The following UNC13A variants were observed in gnomAD, a reference collection of about 807,000 sequenced individuals.
UNC13A encodes protein unc-13 homolog A.
UNC13A carries 61 observed loss-of-function variants against 219.7 expected under a neutral mutation model. The ratio of observed to expected loss-of-function variants is 0.28; its 90% CI spans 0.23 to 0.34. The LOEUF (loss-of-function observed/expected upper bound fraction) is 0.34. Among genes scored for constraint, UNC13A ranks in the 10% least tolerant of loss-of-function variants. The pLI, the probability that UNC13A is intolerant of heterozygous loss-of-function variation, is 1.00. For missense variants in UNC13A, 1,476 were observed against 2,270.3 expected, an observed-to-expected ratio of 0.65 and a Z score of 7.11; for synonymous variants, 920 against 884.6, an observed-to-expected ratio of 1.04 and a Z score of -0.71.
At chr19:17,648,689 C>T in intron 15 of UNC13A, 39 bp from the exon 16 acceptor site, 1 of 1,582,466 alleles carries the variant, frequency 6.3e-7, no homozygotes, top group Non-Finnish European at 8.6e-7. Context: ...GGGCGCCTAA[C>T]CTGGCGCTGT....
chr19:17,675,630 C>CAAAAA (rs35996994), intron 2 of UNC13A, among the ~76,000 whole-genome samples: 4 of 127,662 alleles, frequency 3.1e-5, no homozygotes, highest in African/African-American at 8.5e-5. Flanking sequence ...GACTCTGTCT[C>CAAAAA]AAAAAAAAAA....
chr19:17,672,581 A>G, intron 3 of UNC13A, 86 bp from the exon 4 acceptor site: 1 of 998,144 alleles, frequency 1.0e-6, no homozygotes. Flanking sequence ...CTGAGAACAC[A>G]CAGCATACTG....
intron 21 of UNC13A, 77 bp downstream of exon 21, chr19:17,641,316 T>A: frequency 6.5e-7 from 1 of 1,545,652 alleles, no homozygotes. Flanking sequence ...CCCCTGAGAA[T>A]CCCTCCCACC....
chr19:17,673,453 G>A (rs980348459), intron 3 of UNC13A, among the ~76,000 whole-genome samples: 10 of 151,966 alleles, frequency 6.6e-5, no homozygotes, highest in Non-Finnish European at 1.5e-4. Flanking sequence ...AGCACTTTGG[G>A]AGGCCGAGGC....
intron 43 of UNC13A, among the ~76,000 whole-genome samples, chr19:17,607,742 T>G (rs1156742768): frequency 2.6e-5 from 4 of 151,608 alleles, no homozygotes; most frequent in Admixed American, 1.3e-4. Context: ...TGCACTTCTG[T>G]CTCCTAAGAA....
At chr19:17,672,774 C>G (rs932416391) in intron 3 of UNC13A, among the ~76,000 whole-genome samples, 2 of 152,160 alleles carry the variant, frequency 1.3e-5, no homozygotes, top group Non-Finnish European at 2.9e-5. Context: ...GCACCTTCAT[C>G]TTTCTGAGCC....
chr19:17,658,390 G>T, intron 8 of UNC13A, 121 bp from the exon 9 acceptor site: 1 of 918,094 alleles, frequency 1.1e-6, no homozygotes, highest in Non-Finnish European at 1.7e-6. Flanking sequence ...TACTAGTATG[G>T]ATAAAGAATT....
chr19:17,612,573 C>T lies in UNC13A; in HGVS notation c.4559-718G>A, dbSNP rs1024142705. On this transcript the variant is annotated intron_variant, in intron 41 of 43. Transcript: ENST00000519716. ...ATTAAGTCAGATCATGTCGGCAGGGCGCGGTGGCTCACAGCTGTAATCCCA... is the reference window on the plus strand; with the variant it reads ...ATTAAGTCAGATCATGTCGGCAGGGTGCGGTGGCTCACAGCTGTAATCCCA... Among the ~76,000 whole-genome samples the T allele has an allele frequency of 3.3e-5, 5 of 152,090 alleles. 1 individual carries two copies. Among genetic ancestry groups the T allele is most frequent in the Non-Finnish European group, 2.9e-5 (2 of 68,020 alleles).
chr19:17,672,634 A>C, intron 3 of UNC13A, 139 bp from the exon 4 acceptor site: 2 of 618,542 alleles, frequency 3.2e-6, no homozygotes, highest in Non-Finnish European at 5.5e-6. Flanking sequence ...TGGTAGGGTA[A>C]CATGGTGGTT....
At chr19:17,669,948 C>CTTTTT (rs60439472) in intron 4 of UNC13A, among the ~76,000 whole-genome samples, 6 of 107,176 alleles carry the variant, frequency 5.6e-5, no homozygotes, top group South Asian at 3.1e-4. Flanking sequence ...CTTTTCTTTT[C>CTTTTT]TTTTTTTTTT....
At chr19:17,646,926 A>G (rs2145063369) in intron 17 of UNC13A, among the ~76,000 whole-genome samples, 1 of 152,200 alleles carries the variant, frequency 6.6e-6, no homozygotes, top group East Asian at 1.9e-4. Context: ...GCTCAACGGC[A>G]TCTCCTTCAG....
chr19:17,666,571 C>T (rs2079651158), intron 7 of UNC13A, 79 bp downstream of exon 7: 1 of 1,160,026 alleles, frequency 8.6e-7, no homozygotes. Context: ...CTGGAGGAGC[C>T]TTTAGACAGG....
At position 17,617,571 on chromosome 19, in the gene UNC13A, C is replaced by G. The variant is rs1055263399; in HGVS notation, c.4558+131G>C. 13 of 1,352,824 alleles carry G rather than the reference C, an allele frequency of 9.6e-6. No individual in the cohort carries two copies. In the African/African-American group the frequency reaches 1.9e-4, roughly 20 times the overall value. The allele number at this position is 1,352,824 out of a possible 1,614,324, so 83.8% of individuals were successfully genotyped here. On this transcript the variant is annotated intron_variant, in intron 41 of 43. Transcript: ENST00000519716. The stretch of plus-strand genomic sequence containing the variant: ...CTTTGATCGCTCATTGGTCCCTGGA[C>G]TTGGTGCAGAGATGTCAATTCCGCC...
intron 8 of UNC13A, among the ~76,000 whole-genome samples, chr19:17,658,637 A>G (rs746720140): frequency 3.9e-5 from 6 of 152,196 alleles, no homozygotes; most frequent in Non-Finnish European, 8.8e-5. Flanking sequence ...TTAGTTTCCC[A>G]TAACAGGAGT....
At chr19:17,634,840 G>A (rs577583066) in intron 26 of UNC13A, among the ~76,000 whole-genome samples, 43 of 152,132 alleles carry the variant, frequency 2.8e-4, no homozygotes, top group African/African-American at 7.5e-4. Flanking sequence ...GATTACAGAC[G>A]TGTACCACCA....
rs1487872765 is a variant in UNC13A, at chr19:17,647,296, C to A, written c.2013G>T (p.Thr671=). The change falls in exon 17 of 44, where the codon ACG becomes ACT. Residue 671 remains threonine, a synonymous_variant. Coordinates refer to ENST00000519716, the MANE Select transcript of UNC13A (RefSeq NM_001080421.3). The stretch of plus-strand genomic sequence containing the variant: ...TGCTGATCTTGGCGGACCACTTGGA[C>A]GTGCCGTCCAGCACGCTCTGCTTGA... The part of the protein sequence containing the change: ...KAVKQSVLDG[T]SKWSAKISIT... 1.9e-6 allele frequency: 3 copies of A among 1,598,550 alleles called. No individual in the cohort carries two copies. The highest frequency in any genetic ancestry group is 2.7e-5 in the African/African-American group (2 of 74,628).
At chr19:17,669,279 C>T (rs1427370680) in intron 5 of UNC13A, among the ~76,000 whole-genome samples, 2 of 152,214 alleles carry the variant, frequency 1.3e-5, no homozygotes, top group African/African-American at 2.4e-5. Flanking sequence ...CACCAAGGAA[C>T]AGCCAGGATA....
chr19:17,658,260 G>C lies in UNC13A; in HGVS notation c.569C>G (p.Pro190Arg). The change falls in exon 9 of 44, where the codon CCC (proline) becomes CGC (arginine). Residue 190 changes from proline (P) to arginine (R), a missense_variant. Transcript: ENST00000519716. Reference sequence around the variant, plus strand: ...GTCACGATCATCCACTGCACTGTCGGGGTCATCGTCTGGAAGAGAGAGGCG... The same window carrying C: ...GTCACGATCATCCACTGCACTGTCGCGGTCATCGTCTGGAAGAGAGAGGCG... ...FGWGEQHNDD[P>R]DSAVDDRDSD... 6.2e-7 allele frequency: 1 copy of C among 1,612,530 alleles called. No homozygotes were observed. The highest frequency in any genetic ancestry group is 8.5e-7 in the Non-Finnish European group (1 of 1,179,280).
chr19:17,648,076 C>G (rs888943617), intron 16 of UNC13A, among the ~76,000 whole-genome samples: 3 of 146,510 alleles, frequency 2.0e-5, no homozygotes, highest in Admixed American at 6.9e-5. Flanking sequence ...CTGAGCCCCT[C>G]TTCCTCTCAG....
Sources: gnomAD v4.1 joint callset for allele counts (sites outside exome capture counted in the v4.1 genomes callset) on GRCh38, gnomAD v4.1.1 for gene constraint, MANE v1.5 for transcripts, NCBI Gene and HGNC (gene_info 2026-07-23, HGNC 2026-07-21) for gene names.